CNTN1: variants seen among roughly 807,000 people sequenced by gnomAD.
The protein encoded by CNTN1 is contactin-1.
Under a neutral mutation model 126.4 loss-of-function variants are expected in CNTN1, and 38 were observed. The ratio of observed to expected loss-of-function variants is 0.30; its 90% CI spans 0.23 to 0.39. The LOEUF (loss-of-function observed/expected upper bound fraction) is 0.39, where lower values mean the gene tolerates loss of function less well. Ranked by LOEUF, CNTN1 falls within the 10% of genes least tolerant of loss-of-function variation. The pLI is 1.00. For synonymous variants in CNTN1, 413 were observed against 422.6 expected, an observed-to-expected ratio of 0.98 and a Z score of 0.28; for missense variants, 1,009 against 1,248.4, an observed-to-expected ratio of 0.81 and a Z score of 2.89.
At chr12:41,063,096 A>G (rs1429146917) in intron 23 of CNTN1, among the ~76,000 whole-genome samples, 1 of 152,230 alleles carries the variant, frequency 6.6e-6, no homozygotes, top group Non-Finnish European at 1.5e-5. Context: ...AAGATAAAAA[A>G]TGCTGAAAAA....
At chr12:40,871,198 A>C (rs1592185124) in intron 1 of CNTN1, among the ~76,000 whole-genome samples, 2 of 42,132 alleles carry the variant, frequency 4.7e-5, no homozygotes, top group East Asian at 6.8e-4. Context: ...AAAAAAAAAA[A>C]AAAAAAAAAA....
At chr12:40,755,577 G>A (rs532339269) in intron 1 of CNTN1, among the ~76,000 whole-genome samples, 40 of 151,932 alleles carry the variant, frequency 2.6e-4, no homozygotes, top group African/African-American at 9.4e-4. Context: ...AAAACAGCTG[G>A]GCTTGGTGTT....
intron 23 of CNTN1, among the ~76,000 whole-genome samples, chr12:41,036,939 A>G (rs900846491): frequency 6.6e-6 from 1 of 152,186 alleles, no homozygotes; most frequent in Admixed American, 6.6e-5. Flanking sequence ...TTGTTAAGCA[A>G]AAATACTATT....
chr12:40,769,281 CAT>C (rs1336025594), intron 1 of CNTN1, among the ~76,000 whole-genome samples: 1 of 151,908 alleles, frequency 6.6e-6, no homozygotes, highest in Non-Finnish European at 1.5e-5. Context: ...TTCTGAAACA[CAT>C]GAGCAATTGA....
chr12:40,888,808 G>A (rs1944144930), intron 1 of CNTN1, among the ~76,000 whole-genome samples: 1 of 152,198 alleles, frequency 6.6e-6, no homozygotes, highest in Admixed American at 6.5e-5. Flanking sequence ...CAAGCTGGGT[G>A]GCTTTCCACA....
intron 3 of CNTN1, among the ~76,000 whole-genome samples, chr12:40,910,519 G>A (rs571530002): frequency 6.6e-6 from 1 of 152,216 alleles, no homozygotes; most frequent in African/African-American, 2.4e-5. Context: ...AAAGTCCACA[G>A]GTATTGCAAA....
At chr12:40,774,345 A>T (rs1207397745) in intron 1 of CNTN1, among the ~76,000 whole-genome samples, 1 of 151,800 alleles carries the variant, frequency 6.6e-6, no homozygotes, top group South Asian at 2.1e-4. Context: ...TAAGGAAGGC[A>T]GTCACGATTG....
At chr12:41,068,169 C>T (rs1950088209) in intron 23 of CNTN1, among the ~76,000 whole-genome samples, 1 of 152,094 alleles carries the variant, frequency 6.6e-6, no homozygotes, top group Admixed American at 6.6e-5. Flanking sequence ...CTTCTCTGCC[C>T]TCTAGTGACT....
chr12:40,843,772 C>T (rs1264265240), intron 1 of CNTN1, among the ~76,000 whole-genome samples: 1 of 152,032 alleles, frequency 6.6e-6, no homozygotes, highest in Non-Finnish European at 1.5e-5. Flanking sequence ...TCTGGTTGGG[C>T]CTGGTTTGTA....
chr12:40,805,460 G>T (rs1206469717), intron 1 of CNTN1, among the ~76,000 whole-genome samples: 3 of 151,936 alleles, frequency 2.0e-5, no homozygotes, highest in African/African-American at 7.3e-5. Context: ...GTCTATCAAA[G>T]AAATTCTTAA....
chr12:41,014,142 G>C (rs1331595860), intron 17 of CNTN1, 86 bp from the exon 18 acceptor site: 1 of 1,212,778 alleles, frequency 8.2e-7, no homozygotes, highest in Non-Finnish European at 1.2e-6. Context: ...TGTGGTTTCT[G>C]TGGTGAATAA....
intron 17 of CNTN1, among the ~76,000 whole-genome samples, chr12:41,011,085 A>G (rs1304849449): frequency 6.6e-6 from 1 of 152,116 alleles, no homozygotes; most frequent in African/African-American, 2.4e-5. Context: ...GAAACACTTG[A>G]GTTAAATTTT....
intron 1 of CNTN1, among the ~76,000 whole-genome samples, chr12:40,766,224 A>G (rs1005543454): frequency 1.3e-5 from 2 of 151,918 alleles, no homozygotes; most frequent in African/African-American, 4.8e-5. Flanking sequence ...CGGCATGGTG[A>G]CATGTGCCTG....
intron 23 of CNTN1, among the ~76,000 whole-genome samples, chr12:41,046,207 A>G (rs1237920755): frequency 1.3e-5 from 2 of 152,122 alleles, no homozygotes; most frequent in East Asian, 1.9e-4. Context: ...CCACCCACTC[A>G]TGATCACAAC....
chr12:40,941,148 A>G (rs1366610265), intron 12 of CNTN1, among the ~76,000 whole-genome samples: 2 of 152,136 alleles, frequency 1.3e-5, no homozygotes, highest in Non-Finnish European at 2.9e-5. Flanking sequence ...TACAAGTTTG[A>G]TTGTGTTCTG....
In CNTN1 at chr12:40,886,088, T is replaced by C. The variant is rs190391940; in HGVS notation, c.-76-22269T>C. ...GAACTCTTAATGTTCATATTTTATT[T>C]AAATCCATTTTCTTTGATATCCTGG... On this transcript the variant is annotated intron_variant, in intron 1 of 23. Coordinates refer to ENST00000551295, the MANE Select transcript of CNTN1 (RefSeq NM_001843.4). 6.6e-5 allele frequency among the ~76,000 whole-genome samples: 10 copies of C among 152,200 alleles called. No individual in the cohort carries two copies. In the East Asian group the frequency reaches 1.3e-3, roughly 21 times the overall value.
chr12:40,810,453 T>G lies in CNTN1; in HGVS notation c.-76-97904T>G, dbSNP rs190351856. Among the ~76,000 whole-genome samples, 323 of 152,314 alleles carry G rather than the reference T, an allele frequency of 2.1e-3. 1 individual carries two copies. The highest frequency in any genetic ancestry group is 7.5e-3 in the African/African-American group (310 of 41,564). On this transcript the variant is annotated intron_variant, in intron 1 of 23. Transcript: ENST00000551295. ...GTGTATAATATGGCATTATTAACTA[T>G]AGTCACCATGTTTTACGTGAGGTCT...
Position 40,929,898 on chromosome 12 carries a change from A to C in CNTN1, c.599A>C (p.Asn200Thr), listed in dbSNP as rs1368055646. Residue 200 changes from asparagine to threonine, a missense_variant, in exon 7 of 24, where the codon AAT becomes ACT. Asn to Thr is a moderately conservative substitution (Grantham distance 65). Coordinates refer to ENST00000551295, the MANE Select transcript of CNTN1 (RefSeq NM_001843.4). ...ACAAATGGCAATCTCTACATTGCAAATGTTGAGGCTTCCGACAAAGGCAAT... is the reference window on the plus strand; with the variant it reads ...ACAAATGGCAATCTCTACATTGCAACTGTTGAGGCTTCCGACAAAGGCAAT... ...SQTNGNLYIA[N>T]VEASDKGNYS... 25 of 1,612,816 alleles carry C rather than the reference A, an allele frequency of 1.6e-5. No individual in the cohort carries two copies. The highest frequency in any genetic ancestry group is 2.0e-5 in the Non-Finnish European group (23 of 1,179,152).
intron 1 of CNTN1, among the ~76,000 whole-genome samples, chr12:40,879,567 G>C (rs1250715964): frequency 6.6e-6 from 1 of 152,208 alleles, no homozygotes; most frequent in South Asian, 2.1e-4. Flanking sequence ...AGAAAATTAA[G>C]AAAGGAGTGA....
Sources: allele counts gnomAD v4.1 joint callset (sites outside exome capture counted in the v4.1 genomes callset), GRCh38; gene constraint gnomAD v4.1.1; transcripts MANE v1.5; gene names NCBI Gene and HGNC (gene_info 2026-07-23, HGNC 2026-07-21).